The following PLCL1 variants were observed in gnomAD, a reference collection of about 807,000 sequenced individuals.
The protein encoded by PLCL1 is inactive phospholipase C-like protein 1.
A neutral mutation model predicts 84.4 loss-of-function variants in PLCL1; 41 were observed. The observed-to-expected ratio is 0.49, with a 90% CI of 0.38 to 0.63. The LOEUF is 0.63. Among genes scored for constraint, PLCL1 ranks in the 30% least tolerant of loss-of-function variants. PLCL1 has a pLI of 0.00. For missense variants in PLCL1, 1,206 were observed against 1,367.8 expected, an observed-to-expected ratio of 0.88 and a Z score of 1.87; for synonymous variants, 490 against 488.3, an observed-to-expected ratio of 1.00 and a Z score of -0.05.
chr2:197,959,746 A>C (rs1336170036), intron 1 of PLCL1, among the ~76,000 whole-genome samples: 10 of 152,072 alleles, frequency 6.6e-5, no homozygotes, highest in Admixed American at 3.9e-4. Context: ...TTGGGAAAAA[A>C]AACAACAACA....
At chr2:198,142,797 C>CTT (rs911999035) in intron 5 of PLCL1, among the ~76,000 whole-genome samples, 3 of 144,216 alleles carry the variant, frequency 2.1e-5, no homozygotes, top group African/African-American at 7.6e-5. Flanking sequence ...GCATCCTTCT[C>CTT]TTTTTTTTTT....
At chr2:198,124,458 A>G (rs574910553) in intron 5 of PLCL1, among the ~76,000 whole-genome samples, 2 of 152,266 alleles carry the variant, frequency 1.3e-5, no homozygotes, top group African/African-American at 4.8e-5. Context: ...TAGTTATAAA[A>G]GGATAGGCTA....
chr2:197,881,610 G>C lies in PLCL1; in HGVS notation c.240+76271G>C, dbSNP rs142581051. Among the ~76,000 whole-genome samples, 73 of 152,122 alleles carry C rather than the reference G, an allele frequency of 4.8e-4. 1 individual carries two copies. The East Asian group carries it at 0.012, about 26-fold the overall frequency. The stretch of plus-strand genomic sequence containing the variant: ...CAACTCACTTAACCTCTAGGCCTCA[G>C]AGTTATCATGCTAAGATTGGGATTT... On this transcript the variant is annotated intron_variant, in intron 1 of 5. Coordinates refer to ENST00000428675, the MANE Select transcript of PLCL1 (RefSeq NM_006226.4).
rs182784005 is a variant in PLCL1, at chr2:197,972,341, A to G, written c.241-111417A>G. On this transcript the variant is annotated intron_variant, in intron 1 of 5. Coordinates refer to ENST00000428675, the MANE Select transcript of PLCL1 (RefSeq NM_006226.4). The stretch of plus-strand genomic sequence containing the variant: ...TTCAGTATGAAGGCATTCTACCTCA[A>G]CAAATTACATGTAGCAAGAGGAAAG... Among the ~76,000 whole-genome samples, 39 of 152,356 alleles carry G rather than the reference A, an allele frequency of 2.6e-4. 1 individual carries two copies. Among genetic ancestry groups the G allele is most frequent in the Admixed American group, 2.4e-3 (36 of 15,304 alleles).
chr2:198,143,597 T>A (rs1057240019), intron 5 of PLCL1, among the ~76,000 whole-genome samples: 1 of 152,110 alleles, frequency 6.6e-6, no homozygotes, highest in African/African-American at 2.4e-5. Flanking sequence ...AATTGCTGCA[T>A]ATAAAATGGG....
At chr2:197,933,399 G>T (rs1688987008) in intron 1 of PLCL1, among the ~76,000 whole-genome samples, 2 of 151,750 alleles carry the variant, frequency 1.3e-5, no homozygotes, top group Admixed American at 6.6e-5. Context: ...AAGTAGCTGG[G>T]ACTACAGGCG....
At chr2:198,012,812 C>T (rs889185907) in intron 1 of PLCL1, among the ~76,000 whole-genome samples, 1 of 151,594 alleles carries the variant, frequency 6.6e-6, no homozygotes, top group African/African-American at 2.4e-5. Flanking sequence ...AAACACCAAA[C>T]TGAAAGAGGT....
chr2:197,834,447 A>T (rs1279931662), intron 1 of PLCL1, among the ~76,000 whole-genome samples: 2 of 152,218 alleles, frequency 1.3e-5, no homozygotes, highest in African/African-American at 2.4e-5. Flanking sequence ...AGCTTAAACA[A>T]ATTTACAAGA....
intron 1 of PLCL1, among the ~76,000 whole-genome samples, chr2:198,070,729 CTT>C (rs1043347437): frequency 6.6e-6 from 1 of 151,644 alleles, no homozygotes; most frequent in African/African-American, 2.4e-5. Flanking sequence ...CTCCTGGGCT[CTT>C]TGAAATTTTA....
rs1574904717 is a variant in PLCL1, at chr2:197,835,738, T to A, written c.240+30399T>A. On this transcript the variant is annotated intron_variant, in intron 1 of 5. Coordinates refer to ENST00000428675, the MANE Select transcript of PLCL1 (RefSeq NM_006226.4). ...TGTGAGAATTACATGAGACAACGTA[T>A]GTAAATCATCAGGCTCATAATAGGC... Among the ~76,000 whole-genome samples, 3 of 152,370 alleles carry A rather than the reference T, an allele frequency of 2.0e-5. No individual in the cohort carries two copies. In the Middle Eastern group the frequency reaches 0.01, roughly 518 times the overall value.
intron 1 of PLCL1, among the ~76,000 whole-genome samples, chr2:197,985,420 A>T (rs1055087157): frequency 6.6e-6 from 1 of 152,156 alleles, no homozygotes; most frequent in Non-Finnish European, 1.5e-5. Context: ...ATTCTTACCC[A>T]GTTTAGTATC....
intron 5 of PLCL1, among the ~76,000 whole-genome samples, chr2:198,141,460 T>C (rs564476101): frequency 7.3e-6 from 1 of 137,096 alleles, no homozygotes; most frequent in South Asian, 2.2e-4. Flanking sequence ...CAGCGTAACA[T>C]ACCAAGAGTG....
chr2:198,064,621 C>T (rs1692280874), intron 1 of PLCL1, among the ~76,000 whole-genome samples: 1 of 151,972 alleles, frequency 6.6e-6, no homozygotes, highest in Non-Finnish European at 1.5e-5. Context: ...CTATTGATTC[C>T]CACTAACCGC....
At chr2:197,997,119 G>GCAGAGCTATTATCT (rs1690486559) in intron 1 of PLCL1, among the ~76,000 whole-genome samples, 1 of 152,182 alleles carries the variant, frequency 6.6e-6, no homozygotes, top group African/African-American at 2.4e-5. Flanking sequence ...TGTGGGGAGG[G>GCAGAGCTATTATCT]CAGGAGCCAA....
intron 1 of PLCL1, among the ~76,000 whole-genome samples, chr2:197,836,446 C>CAA (rs35510400): frequency 0.075 from 2,584 of 34,384 alleles, 496 homozygotes; most frequent in Non-Finnish European, 0.093. Context: ...GACTCCGTCT[C>CAA]AAAAAAAAAA....
intron 1 of PLCL1, among the ~76,000 whole-genome samples, chr2:198,035,267 G>A (rs1042794949): frequency 2.2e-4 from 33 of 152,176 alleles, no homozygotes; most frequent in Admixed American, 6.5e-4. Flanking sequence ...GTATGAATTC[G>A]TGGTTTTTAT....
chr2:198,077,693 G>A (rs1692613014), intron 1 of PLCL1, among the ~76,000 whole-genome samples: 2 of 152,058 alleles, frequency 1.3e-5, no homozygotes, highest in African/African-American at 4.8e-5. Context: ...CTTCTCCCTG[G>A]AGGTTTGACT....
At position 197,804,984 on chromosome 2, in the gene PLCL1, G is replaced by T; in HGVS notation, c.-116G>T. ...CCGCCGCCACTGCCGCCGCTGGGCG[G>T]TGAAACAAAGTCTGGCGGGGCCGCC... On this transcript the variant is annotated 5_prime_UTR_variant, in exon 1 of 6. Transcript: ENST00000428675. 1 of 1,273,038 alleles carries T rather than the reference G, an allele frequency of 7.9e-7. No homozygotes were observed. The allele number at this position is 1,273,038 out of a possible 1,614,324, so 78.9% of individuals were successfully genotyped here. A position where few individuals can be genotyped will look rare whatever the true frequency, so the allele number is the denominator to read the frequency against.
chr2:197,890,832 CAT>C (rs1311686368), intron 1 of PLCL1, among the ~76,000 whole-genome samples: 1 of 23,878 alleles, frequency 4.2e-5, no homozygotes, highest in Non-Finnish European at 7.9e-5. Flanking sequence ...TACATATATG[CAT>C]ATATATATGC....
Sources: allele counts gnomAD v4.1 joint callset (sites outside exome capture counted in the v4.1 genomes callset), GRCh38; gene constraint gnomAD v4.1.1; transcripts MANE v1.5; gene names NCBI Gene and HGNC (gene_info 2026-07-23, HGNC 2026-07-21).